Variants in TCF20 observed in about 807,000 individuals in gnomAD.
TCF20 encodes SPRE-binding protein.
TCF20 carries 3 observed loss-of-function variants against 148.6 expected under a neutral mutation model. The ratio of observed to expected loss-of-function variants is 0.02; its 90% CI spans 0.01 to 0.05. The LOEUF is 0.05. Ranked by LOEUF, TCF20 falls within the 10% of genes least tolerant of loss-of-function variation. The pLI is 1.00. For synonymous variants in TCF20, 1,049 were observed against 909.5 expected (o/e 1.15, Z -2.76); for missense variants, 2,350 against 2,429.3 (o/e 0.97, Z 0.69).
chr22:42,200,906 G>A (rs936922797), intron 2 of TCF20, among the ~76,000 whole-genome samples: 5 of 152,182 alleles, frequency 3.3e-5, no homozygotes, highest in African/African-American at 1.2e-4. Flanking sequence ...GTAAATTAAA[G>A]GCTAAATCCT....
At chr22:42,195,006 T>C (rs1937519202) in intron 2 of TCF20, among the ~76,000 whole-genome samples, 1 of 151,496 alleles carries the variant, frequency 6.6e-6, no homozygotes, top group Admixed American at 6.6e-5. Flanking sequence ...AACTATCCAC[T>C]GGAAATTCCT....
Position 42,290,513 on chromosome 22 carries a change from GCTCCTGAC to G in TCF20, c.-37+52958_-37+52965del, listed in dbSNP as rs1927114304. Among the ~76,000 whole-genome samples, 2 of 152,108 alleles carry G rather than the reference GCTCCTGAC, an allele frequency of 1.3e-5. No homozygotes were observed. Among genetic ancestry groups the G allele is most frequent in the South Asian group, 4.1e-4 (2 of 4,826 alleles). ...GGCTGGGGGCACGTGGGAGGCCTCT[GCTCCTGAC>G]CTTTGCTTAGCACAGGCAGGGGACC... is the stretch of plus-strand genomic sequence containing the variant. On this transcript the variant is annotated intron_variant, in intron 1 of 1. Transcript: ENST00000515426. The surrounding 1 kb of genome is among the most constrained non-coding windows in gnomAD (Gnocchi z 4.2).
chr22:42,200,517 T>C (rs1569133031), intron 2 of TCF20, among the ~76,000 whole-genome samples: 1 of 151,948 alleles, frequency 6.6e-6, no homozygotes, highest in Non-Finnish European at 1.5e-5. Flanking sequence ...GGCACATGCT[T>C]GTAATCCCAG....
In TCF20 at chr22:42,295,961, G is replaced by C. The variant is rs116647134; in HGVS notation, c.-37+47518C>G. On this transcript the variant is annotated intron_variant, in intron 1 of 1. Coordinates refer to the TCF20 transcript ENST00000515426. ...CAGGCTGCCCTCCACAAGACCCTGG[G>C]CATCACTGAGGGCATGGACTTTGAA... Among the ~76,000 whole-genome samples, 1,021 of 152,266 alleles carry C rather than the reference G, an allele frequency of 6.7e-3. 12 individuals carry two copies. Among genetic ancestry groups the C allele is most frequent in the African/African-American group, 0.023 (969 of 41,548 alleles).
At chr22:42,206,721 A>G (rs576194396) in intron 2 of TCF20, among the ~76,000 whole-genome samples, 22 of 152,340 alleles carry the variant, frequency 1.4e-4, no homozygotes, top group African/African-American at 4.6e-4. Flanking sequence ...AGGGGACATG[A>G]TAAGAGTAAA....
intron 1 of TCF20, among the ~76,000 whole-genome samples, chr22:42,314,379 C>T (rs1049333549): frequency 6.6e-6 from 1 of 152,248 alleles, no homozygotes; most frequent in African/African-American, 2.4e-5. Flanking sequence ...GGGCTCTCAG[C>T]GAAATTGATG....
At chr22:42,242,218 A>AAAAAAAAAAAAAAAAAC (rs1555942526) in intron 1 of TCF20, among the ~76,000 whole-genome samples, 2 of 142,584 alleles carry the variant, frequency 1.4e-5, no homozygotes, top group African/African-American at 2.8e-5. Flanking sequence ...AAAAAAAAAA[A>AAAAAAAAAAAAAAAAAC]AAAAAAAAAC....
intron 1 of TCF20, among the ~76,000 whole-genome samples, chr22:42,306,149 G>A (rs1047488026): frequency 4.6e-5 from 7 of 152,268 alleles, no homozygotes; most frequent in African/African-American, 1.4e-4. Context: ...CAAGCTGAGC[G>A]CATGGCTAAG....
At chr22:42,202,042 G>A (rs1452076868) in intron 2 of TCF20, among the ~76,000 whole-genome samples, 1 of 151,974 alleles carries the variant, frequency 6.6e-6, no homozygotes, top group African/African-American at 2.4e-5. Context: ...CCTTCCCCCC[G>A]CAGCAAACTT....
intron 5 of TCF20, among the ~76,000 whole-genome samples, chr22:42,166,579 A>G (rs998109350): frequency 6.6e-6 from 1 of 150,722 alleles, no homozygotes; most frequent in Non-Finnish European, 1.5e-5. Flanking sequence ...CCTGTACTCC[A>G]GCCTGGGCGA....
At chr22:42,181,434 G>A (rs6002647) in intron 2 of TCF20, among the ~76,000 whole-genome samples, 7 of 146,572 alleles carry the variant, frequency 4.8e-5, no homozygotes, top group African/African-American at 1.9e-4. Context: ...CTGGCCTCCT[G>A]CTGCCACTTT....
chr22:42,295,855 G>A (rs1927226980), intron 1 of TCF20, among the ~76,000 whole-genome samples: 1 of 152,172 alleles, frequency 6.6e-6, no homozygotes, highest in Admixed American at 6.5e-5. Context: ...ATCCTGTGCA[G>A]CCTTCAGCCC....
intron 1 of TCF20, among the ~76,000 whole-genome samples, chr22:42,280,565 G>T (rs899956389): frequency 3.9e-5 from 6 of 152,194 alleles, no homozygotes; most frequent in African/African-American, 1.4e-4. Context: ...CTCAGGGTGG[G>T]GAGAGACTAT....
intron 1 of TCF20, among the ~76,000 whole-genome samples, chr22:42,330,804 T>A (rs1055994802): frequency 2.0e-5 from 3 of 152,188 alleles, no homozygotes; most frequent in African/African-American, 7.2e-5. Flanking sequence ...TTCAGAAACT[T>A]GAAGCTGCAA....
intron 1 of TCF20, among the ~76,000 whole-genome samples, chr22:42,244,088 C>A (rs974564427): frequency 6.6e-6 from 1 of 152,066 alleles, no homozygotes; most frequent in Non-Finnish European, 1.5e-5. Flanking sequence ...CCTGTAATCC[C>A]AGCTATTTGG....
At chr22:42,309,924 C>T (rs1927503199) in intron 1 of TCF20, among the ~76,000 whole-genome samples, 1 of 152,192 alleles carries the variant, frequency 6.6e-6, no homozygotes, top group Admixed American at 6.5e-5. Context: ...AGGTTGTGTC[C>T]AAGGCTAACT....
At chr22:42,243,996 G>C (rs904870631) in intron 1 of TCF20, among the ~76,000 whole-genome samples, 1 of 151,956 alleles carries the variant, frequency 6.6e-6, no homozygotes. Context: ...CTTGAAGCCA[G>C]GAGTTAGGAG....
At chr22:42,168,576 C>G in intron 5 of TCF20, 33 bp downstream of exon 5, 1 of 1,541,170 alleles carries the variant, frequency 6.5e-7, no homozygotes, top group Non-Finnish European at 8.7e-7. Context: ...GGGAGCCGGG[C>G]AGGATGCAGG....
chr22:42,287,749 A>G (rs1927057420), upstream of TCF20, among the ~76,000 whole-genome samples: 2 of 152,022 alleles, frequency 1.3e-5, no homozygotes, highest in Non-Finnish European at 2.9e-5. Flanking sequence ...ACCACAAACC[A>G]GCCCCCTTTC....
Sources: gnomAD v4.1 joint callset for allele counts (sites outside exome capture counted in the v4.1 genomes callset) on GRCh38, gnomAD v4.1.1 for gene constraint, Gnocchi (gnomAD v3.1) non-coding constraint, MANE v1.5 for transcripts, NCBI Gene and HGNC (gene_info 2026-07-23, HGNC 2026-07-21) for gene names.